FLRT1: variants seen among roughly 807,000 people sequenced by gnomAD.
FLRT1 encodes leucine-rich repeat transmembrane protein FLRT1.
A neutral mutation model predicts 30.9 loss-of-function variants in FLRT1; 14 were observed. That is an observed-to-expected ratio of 0.45 (90% CI 0.30 to 0.71). The LOEUF (loss-of-function observed/expected upper bound fraction) is 0.71, where lower values mean the gene tolerates loss of function less well. Among genes scored for constraint, FLRT1 ranks in the 30% least tolerant of loss-of-function variants. The probability of loss-of-function intolerance (pLI) is 0.08; values close to 1 mark genes in which losing one functional copy is unlikely to be tolerated. For missense variants in FLRT1, 737 were observed against 949.2 expected (o/e 0.78, Z 2.94); for synonymous variants, 368 against 430.4 (o/e 0.85, Z 1.80).
In FLRT1 at chr11:64,117,415, C is replaced by A. The variant is rs558763991; in HGVS notation, c.1148C>A (p.Pro383Gln). Residue 383 changes from proline (P) to glutamine (Q), a missense_variant, in exon 3 of 3, where the codon CCG becomes CAG. Physicochemically the swap from Pro to Gln is moderately conservative, Grantham distance 76 (BLOSUM62 -1). Coordinates refer to ENST00000682287, the MANE Select transcript of FLRT1 (RefSeq NM_013280.5). Reference protein sequence around the residue: ...SEMDECFETGPQGGVANAAAK... With the variant: ...SEMDECFETGQQGGVANAAAK... ...ATGGACGAGTGTTTTGAGACGGGGC[C>A]GCAGGGCGGCGTGGCCAATGCGGCT... 2 of 1,612,294 alleles carry A rather than the reference C, an allele frequency of 1.2e-6. No individual in the cohort carries two copies. Among genetic ancestry groups the A allele is most frequent in the Non-Finnish European group, 1.7e-6 (2 of 1,178,628 alleles).
At chr11:64,110,821 A>G (rs890325047) in intron 2 of FLRT1, among the ~76,000 whole-genome samples, 1 of 152,166 alleles carries the variant, frequency 6.6e-6, no homozygotes, top group Admixed American at 6.5e-5. Flanking sequence ...GAAACACACA[A>G]CAAGGGAATA....
chr11:64,044,759 GT>G (rs1166800454), intron 1 of FLRT1, among the ~76,000 whole-genome samples: 1 of 152,126 alleles, frequency 6.6e-6, no homozygotes, highest in Non-Finnish European at 1.5e-5. Flanking sequence ...TTTGGTATCT[GT>G]CATGCTCCCC....
chr11:64,100,197 G>A (rs1944646778), intron 1 of FLRT1, among the ~76,000 whole-genome samples: 1 of 152,188 alleles, frequency 6.6e-6, no homozygotes, highest in Admixed American at 6.5e-5. Flanking sequence ...TACTGGGAAA[G>A]GACAAGGTGC....
chr11:64,038,285 GGCCTGCA>G (rs1216789061), intron 1 of FLRT1, among the ~76,000 whole-genome samples: 2 of 152,198 alleles, frequency 1.3e-5, no homozygotes, highest in Non-Finnish European at 2.9e-5. Context: ...GGTGACCCTG[GGCCTGCA>G]GCCTCCCCTC....
chr11:64,086,528 G>A (rs1944398134), intron 1 of FLRT1, among the ~76,000 whole-genome samples: 2 of 152,016 alleles, frequency 1.3e-5, no homozygotes, highest in South Asian at 4.2e-4. Flanking sequence ...CCTGCCCCAG[G>A]CTGAGTTGTC....
chr11:64,060,161 A>ACTT (rs1943871670), intron 1 of FLRT1, among the ~76,000 whole-genome samples: 1 of 152,270 alleles, frequency 6.6e-6, no homozygotes, highest in South Asian at 2.1e-4. Context: ...TGAATATTTA[A>ACTT]GGCGCGGACG....
At position 64,118,248 on chromosome 11, in the gene FLRT1, T is replaced by C; in HGVS notation, c.1981T>C (p.Tyr661His). ...HTIGYGTTRG[Y>H]RDGGIPDIDY... is the part of the protein sequence containing the mutation. Reference sequence around the variant, plus strand: ...CATTGGCTACGGCACCACGCGGGGCTACCGGGACGGCGGCATCCCCGACAT... The same window carrying C: ...CATTGGCTACGGCACCACGCGGGGCCACCGGGACGGCGGCATCCCCGACAT... Residue 661 changes from tyrosine (Y) to histidine (H), a missense_variant, in exon 3 of 3, where the codon TAC becomes CAC. Physicochemically the swap from Tyr to His is moderately conservative, Grantham distance 83. Coordinates refer to ENST00000682287, the MANE Select transcript of FLRT1 (RefSeq NM_013280.5). The C allele has an allele frequency of 6.2e-7, 1 of 1,603,980 alleles. No individual in the cohort carries two copies. The highest frequency in any genetic ancestry group is 1.1e-5 in the South Asian group (1 of 90,382).
chr11:64,041,082 T>C (rs1366650447), intron 1 of FLRT1, among the ~76,000 whole-genome samples: 2 of 151,728 alleles, frequency 1.3e-5, no homozygotes, highest in Non-Finnish European at 2.9e-5. Flanking sequence ...GTCCTGGCCA[T>C]TCCTGCCCGC....
chr11:64,077,994 G>C (rs890054049), intron 1 of FLRT1, among the ~76,000 whole-genome samples: 3 of 152,162 alleles, frequency 2.0e-5, no homozygotes, highest in African/African-American at 4.8e-5. Flanking sequence ...CCTCCTCAGC[G>C]GGGGTCCCAG....
At chr11:64,055,090 G>C (rs1018386838) in intron 1 of FLRT1, among the ~76,000 whole-genome samples, 1 of 152,120 alleles carries the variant, frequency 6.6e-6, no homozygotes, top group African/African-American at 2.4e-5. Context: ...GGTCCAGAAG[G>C]TGACCCTCAT....
At chr11:64,115,656 G>T (rs575889089) in intron 2 of FLRT1, among the ~76,000 whole-genome samples, 1 of 152,352 alleles carries the variant, frequency 6.6e-6, no homozygotes, top group South Asian at 2.1e-4. Flanking sequence ...GTTCCCGCAG[G>T]TTCTGGCGAC....
rs996604525 is a variant in FLRT1, at chr11:64,107,740, G to A, written c.-50+3559G>A. 9.9e-5 allele frequency among the ~76,000 whole-genome samples: 15 copies of A among 152,266 alleles called. No individual in the cohort carries two copies. The East Asian group carries it at 1.2e-3, about 12-fold the overall frequency. On this transcript the variant is annotated intron_variant, in intron 2 of 2. Transcript: ENST00000682287. ...TGGCTGGCTGGCACCCTGCCCTGGC[G>A]GGAGCTGGGGTTAGAAGGTCCTTGA...
At chr11:64,099,038 G>A (rs991148395) in intron 1 of FLRT1, among the ~76,000 whole-genome samples, 2 of 152,200 alleles carry the variant, frequency 1.3e-5, no homozygotes, top group Non-Finnish European at 2.9e-5. Flanking sequence ...TTTCTACTTC[G>A]GGAGGAAGCC....
intron 2 of FLRT1, among the ~76,000 whole-genome samples, chr11:64,110,883 T>G (rs1185753070): frequency 6.6e-6 from 1 of 152,178 alleles, no homozygotes; most frequent in Non-Finnish European, 1.5e-5. Context: ...TGAGGCGTGC[T>G]ATCTTCCTCC....
intron 1 of FLRT1, among the ~76,000 whole-genome samples, chr11:64,098,789 G>A (rs1944621678): frequency 6.6e-6 from 1 of 152,164 alleles, no homozygotes; most frequent in African/African-American, 2.4e-5. Context: ...TCCCAGGGAG[G>A]GGGCAGGCAT....
chr11:64,077,427 T>A (rs1005976305), intron 1 of FLRT1, among the ~76,000 whole-genome samples: 2 of 152,142 alleles, frequency 1.3e-5, no homozygotes, highest in African/African-American at 4.8e-5. Flanking sequence ...GTCCTCGGAT[T>A]TTCCCCCCAA....
intron 1 of FLRT1, among the ~76,000 whole-genome samples, chr11:64,049,680 C>T (rs1468101440): frequency 6.6e-6 from 1 of 152,216 alleles, no homozygotes; most frequent in Non-Finnish European, 1.5e-5. Flanking sequence ...AGACAGACAG[C>T]TCAGTGATCT....
intron 2 of FLRT1, among the ~76,000 whole-genome samples, chr11:64,113,756 G>A (rs1052721683): frequency 3.4e-5 from 5 of 146,522 alleles, no homozygotes; most frequent in African/African-American, 7.6e-5. Context: ...ATGGATGGAC[G>A]GACAGGTAAA....
chr11:64,109,785 G>A lies in FLRT1; in HGVS notation c.-50+5604G>A, dbSNP rs373775207. ...GCTGCCAGCATGGCTTGGGGGAGGG[G>A]CAGGGTTGCACCCACACAGTTTGAG... On this transcript the variant is annotated intron_variant, in intron 2 of 2. Transcript: ENST00000682287. 5.3e-5 allele frequency among the ~76,000 whole-genome samples: 8 copies of A among 152,272 alleles called. No homozygotes were observed. In the East Asian group the frequency reaches 1.4e-3, roughly 26 times the overall value.
Sources: gnomAD v4.1 joint callset for allele counts (sites outside exome capture counted in the v4.1 genomes callset) on GRCh38, gnomAD v4.1.1 for gene constraint, MANE v1.5 for transcripts, NCBI Gene and HGNC (gene_info 2026-07-23, HGNC 2026-07-21) for gene names.